NDUFAF6: variants seen among roughly 807,000 people sequenced by gnomAD.
NDUFAF6 encodes NADH dehydrogenase (ubiquinone) complex I, assembly factor 6.
In NDUFAF6, 45 loss-of-function variants were observed where a neutral mutation model predicts 40.8. That is an observed-to-expected ratio of 1.10 (90% CI 0.87 to 1.42). The LOEUF (loss-of-function observed/expected upper bound fraction) is 1.42. NDUFAF6 is among the 40% of genes most tolerant of loss of function. The pLI, the probability that NDUFAF6 is intolerant of heterozygous loss-of-function variation, is 0.00. For synonymous variants in NDUFAF6, 185 were observed against 155.9 expected (o/e 1.19, Z -1.39); for missense variants, 435 against 418.5 (o/e 1.04, Z -0.34).
chr8:94,909,813 T>TAC (rs113853762), intron 1 of NDUFAF6, among the ~76,000 whole-genome samples: 66 of 146,948 alleles, frequency 4.5e-4, no homozygotes, highest in African/African-American at 1.2e-3. Context: ...TATATATATA[T>TAC]ACACACACAC....
At chr8:95,077,686 A>G (rs1808677964), downstream of NDUFAF6, among the ~76,000 whole-genome samples, 2 of 152,216 alleles carry the variant, frequency 1.3e-5, no homozygotes, top group African/African-American at 2.4e-5. Flanking sequence ...CTACCATGAC[A>G]GGAGAAGCAT....
chr8:94,902,272 A>G (rs1243424688), intron 1 of NDUFAF6, among the ~76,000 whole-genome samples: 2 of 132,906 alleles, frequency 1.5e-5, no homozygotes, highest in African/African-American at 5.7e-5. Context: ...AACAAAAATT[A>G]GCTTGGTGTG....
intron 7 of NDUFAF6, among the ~76,000 whole-genome samples, chr8:95,049,305 TGA>T (rs1831170388): frequency 6.6e-6 from 1 of 152,250 alleles, no homozygotes; most frequent in African/African-American, 2.4e-5. Flanking sequence ...AACTGGTTCC[TGA>T]TTTCTCCTGC....
intron 1 of NDUFAF6, among the ~76,000 whole-genome samples, chr8:95,030,931 G>A (rs1279450352): frequency 6.6e-6 from 1 of 152,188 alleles, no homozygotes; most frequent in African/African-American, 2.4e-5. Flanking sequence ...GGCAAGAGAG[G>A]AAGCAAAAGA....
intron 1 of NDUFAF6, among the ~76,000 whole-genome samples, chr8:94,923,846 A>T (rs1470179498): frequency 1.4e-5 from 2 of 143,474 alleles, no homozygotes; most frequent in African/African-American, 2.6e-5. Flanking sequence ...CGCCCGACTA[A>T]TTTTTTTTTT....
At chr8:94,949,484 C>T (rs935075166) in intron 2 of NDUFAF6, 2 of 151,952 alleles carry the variant, frequency 1.3e-5, no homozygotes, top group Non-Finnish European at 2.9e-5. Flanking sequence ...GGCCGCCCTG[C>T]GAGAGGTTGT....
At chr8:94,898,173 C>A (rs1817776351) in intron 1 of NDUFAF6, among the ~76,000 whole-genome samples, 2 of 152,182 alleles carry the variant, frequency 1.3e-5, no homozygotes, top group East Asian at 3.8e-4. Context: ...ATATTTATTA[C>A]CCTATGATGT....
intron 4 of NDUFAF6, among the ~76,000 whole-genome samples, chr8:95,114,810 GAC>G: frequency 6.6e-6 from 1 of 152,236 alleles, no homozygotes; most frequent in Middle Eastern, 3.4e-3. Context: ...TTGTGAAATG[GAC>G]TTTGATACCA....
chr8:94,952,567 A>G (rs1014608070), intron 2 of NDUFAF6, among the ~76,000 whole-genome samples: 3 of 152,228 alleles, frequency 2.0e-5, no homozygotes, highest in Non-Finnish European at 2.9e-5. Context: ...TCTTAAGGGA[A>G]GAAAGGATCT....
chr8:95,105,082 G>C (rs1446745989), downstream of NDUFAF6, among the ~76,000 whole-genome samples: 2,231 of 114,082 alleles, frequency 0.02, 38 homozygotes, highest in African/African-American at 0.059. Flanking sequence ...GAGAGAGAGA[G>C]AGAGAGAGAG....
intron 1 of NDUFAF6, among the ~76,000 whole-genome samples, chr8:94,970,901 C>G (rs1824408700): frequency 6.6e-6 from 1 of 152,192 alleles, no homozygotes; most frequent in South Asian, 2.1e-4. Context: ...ACCTTTGTCT[C>G]GAACTCCTGG....
At chr8:94,976,954 C>T (rs1825000601) in intron 1 of NDUFAF6, among the ~76,000 whole-genome samples, 2 of 151,868 alleles carry the variant, frequency 1.3e-5, no homozygotes, top group Non-Finnish European at 2.9e-5. Flanking sequence ...AGTTTGAGAT[C>T]AGCCTAGGAA....
At chr8:94,916,167 A>G (rs1819111550) in intron 1 of NDUFAF6, among the ~76,000 whole-genome samples, 1 of 152,160 alleles carries the variant, frequency 6.6e-6, no homozygotes, top group African/African-American at 2.4e-5. Flanking sequence ...TGTAGAAAAG[A>G]AAAAAACGAA....
At chr8:95,035,429 T>C (rs760164817) in intron 2 of NDUFAF6, 25 bp from the exon 3 acceptor site, 9 of 1,613,050 alleles carry the variant, frequency 5.6e-6, no homozygotes, top group Middle Eastern at 1.7e-4. Flanking sequence ...ATGCATTTGC[T>C]AAAGTTTTTA....
chr8:95,095,439 G>C (rs560810359), upstream of NDUFAF6, among the ~76,000 whole-genome samples: 1 of 152,162 alleles, frequency 6.6e-6, no homozygotes, highest in East Asian at 1.9e-4. Flanking sequence ...TCTCAACCAA[G>C]GTGCAAACTA....
chr8:95,039,486 C>T (rs894343008), intron 3 of NDUFAF6, among the ~76,000 whole-genome samples: 38 of 151,948 alleles, frequency 2.5e-4, no homozygotes, highest in African/African-American at 8.4e-4. Flanking sequence ...CTGTGTTGCC[C>T]AGGCTGGTCT....
At chr8:95,000,206 G>A (rs1563780792) in intron 2 of NDUFAF6, among the ~76,000 whole-genome samples, 1 of 152,158 alleles carries the variant, frequency 6.6e-6, no homozygotes, top group Admixed American at 6.5e-5. Context: ...GTGTGGTGGT[G>A]CATGCCTATA....
intron 2 of NDUFAF6, among the ~76,000 whole-genome samples, chr8:95,013,920 C>T (rs527776029): frequency 6.6e-6 from 1 of 152,112 alleles, no homozygotes; most frequent in East Asian, 1.9e-4. Context: ...TGTCCTTATA[C>T]AATGGGGAAA....
intron 1 of NDUFAF6, among the ~76,000 whole-genome samples, chr8:94,922,604 G>C (rs1178756920): frequency 6.6e-6 from 1 of 151,702 alleles, no homozygotes; most frequent in Non-Finnish European, 1.5e-5. Flanking sequence ...TCAGCCTCCT[G>C]AGTAGCTGGG....
Sources: gnomAD v4.1 joint callset for allele counts (sites outside exome capture counted in the v4.1 genomes callset) on GRCh38, gnomAD v4.1.1 for gene constraint, MANE v1.5 for transcripts, NCBI Gene and HGNC (gene_info 2026-07-23, HGNC 2026-07-21) for gene names.